CRPPA: variants seen among roughly 807,000 people sequenced by gnomAD.
CRPPA encodes the protein CDP-L-ribitol pyrophosphorylase A, also known as D-ribitol-5-phosphate cytidylyltransferase.
CRPPA carries 43 observed loss-of-function variants against 52.0 expected under a neutral mutation model. The ratio of observed to expected loss-of-function variants is 0.83; its 90% CI spans 0.65 to 1.07. The LOEUF (loss-of-function observed/expected upper bound fraction) is 1.07. CRPPA is among the 50% of genes least tolerant of loss of function. The pLI is 0.00. For synonymous variants in CRPPA, 250 were observed against 203.5 expected, an observed-to-expected ratio of 1.23 and a Z score of -1.94; for missense variants, 629 against 551.7, an observed-to-expected ratio of 1.14 and a Z score of -1.40.
At chr7:16,307,673 C>CAAAAAAAAA (rs55682769) in intron 4 of CRPPA, among the ~76,000 whole-genome samples, 1 of 44,366 alleles carries the variant, frequency 2.3e-5, no homozygotes, top group African/African-American at 8.9e-5. Flanking sequence ...GAAACTCTGT[C>CAAAAAAAAA]AAAAAAAAAA....
intron 6 of CRPPA, among the ~76,000 whole-genome samples, chr7:16,272,543 A>C (rs898732048): frequency 2.0e-5 from 3 of 152,182 alleles, no homozygotes; most frequent in Non-Finnish European, 2.9e-5. Flanking sequence ...ATTCCTTTCA[A>C]AGTAGGATGA....
intron 3 of CRPPA, among the ~76,000 whole-genome samples, chr7:16,349,579 G>C (rs1786095823): frequency 6.6e-6 from 1 of 151,884 alleles, no homozygotes; most frequent in Non-Finnish European, 1.5e-5. Context: ...AAAAGATAAA[G>C]TACAAAAACA....
At chr7:16,183,185 C>T (rs1781444835) in intron 9 of CRPPA, among the ~76,000 whole-genome samples, 2 of 152,080 alleles carry the variant, frequency 1.3e-5, no homozygotes, top group Non-Finnish European at 2.9e-5. Flanking sequence ...ATGGCAAAAA[C>T]AATGCCAGCA....
chr7:16,398,202 T>C (rs1413828894), intron 2 of CRPPA, among the ~76,000 whole-genome samples: 1 of 151,816 alleles, frequency 6.6e-6, no homozygotes, highest in Non-Finnish European at 1.5e-5. Context: ...TGACACGTGA[T>C]CAAGACATGA....
intron 9 of CRPPA, among the ~76,000 whole-genome samples, chr7:16,093,892 A>G (rs1160855571): frequency 6.6e-6 from 1 of 152,204 alleles, no homozygotes; most frequent in African/African-American, 2.4e-5. Context: ...ATTGAGACAT[A>G]ACACAGATGA....
chr7:16,236,642 T>G (rs1782957832), intron 8 of CRPPA, among the ~76,000 whole-genome samples: 1 of 152,134 alleles, frequency 6.6e-6, no homozygotes, highest in South Asian at 2.1e-4. Flanking sequence ...ATCTTAATCC[T>G]AAGGCAACAG....
rs532174494 is a variant in CRPPA at position 16,394,808 on chromosome 7, C to T, written c.534+11253G>A. 2.6e-5 allele frequency among the ~76,000 whole-genome samples: 4 copies of T among 152,204 alleles called. No individual in the cohort carries two copies. The South Asian group carries it at 8.3e-4, about 32-fold the overall frequency. The stretch of plus-strand genomic sequence containing the variant: ...GCAAAAGGTGACAAAAAGCTTCAGG[C>T]ATCTTAAACTAAAGGCCCATGAAAA... On this transcript the variant is annotated intron_variant, in intron 2 of 9. Coordinates refer to ENST00000407010, the MANE Select transcript of CRPPA (RefSeq NM_001101426.4).
chr7:16,240,920 G>A (rs1310775919), intron 8 of CRPPA, among the ~76,000 whole-genome samples: 1 of 152,086 alleles, frequency 6.6e-6, no homozygotes, highest in African/African-American at 2.4e-5. Flanking sequence ...CACACAGAAG[G>A]AATCACTATG....
At chr7:16,127,374 G>A (rs1053513469) in intron 9 of CRPPA, among the ~76,000 whole-genome samples, 4 of 151,814 alleles carry the variant, frequency 2.6e-5, no homozygotes, top group Non-Finnish European at 5.9e-5. Flanking sequence ...AAATAAATAA[G>A]AAGGTTAAAT....
intron 9 of CRPPA, among the ~76,000 whole-genome samples, chr7:16,107,874 G>C (rs929870271): frequency 3.3e-5 from 5 of 151,868 alleles, no homozygotes; most frequent in Non-Finnish European, 7.4e-5. Flanking sequence ...GTAGAGGAGA[G>C]GATAAGTACA....
intron 3 of CRPPA, among the ~76,000 whole-genome samples, chr7:16,329,797 T>C (rs555544998): frequency 6.6e-6 from 1 of 152,280 alleles, no homozygotes; most frequent in East Asian, 1.9e-4. Flanking sequence ...TAAAATGTAG[T>C]TCTCTTTTGG....
intron 3 of CRPPA, among the ~76,000 whole-genome samples, chr7:16,339,640 A>T (rs539508620): frequency 6.6e-6 from 1 of 152,352 alleles, no homozygotes; most frequent in South Asian, 2.1e-4. Context: ...GGAATAGGGC[A>T]AGGATTTCCC....
At chr7:16,128,926 A>C (rs1397718058) in intron 9 of CRPPA, among the ~76,000 whole-genome samples, 3 of 152,220 alleles carry the variant, frequency 2.0e-5, no homozygotes, top group Non-Finnish European at 4.4e-5. Context: ...TCATGATTAA[A>C]TGCATAATAT....
intron 5 of CRPPA, among the ~76,000 whole-genome samples, chr7:16,284,793 C>T (rs1475693178): frequency 6.6e-6 from 1 of 151,978 alleles, no homozygotes; most frequent in Non-Finnish European, 1.5e-5. Context: ...GAAAAGCATG[C>T]TGCACTGACA....
intron 8 of CRPPA, among the ~76,000 whole-genome samples, chr7:16,217,739 G>C (rs1782370704): frequency 1.4e-5 from 2 of 142,816 alleles, no homozygotes; most frequent in South Asian, 4.7e-4. Flanking sequence ...GAAGTTTAGA[G>C]AAAAAAGAAT....
chr7:16,391,382 A>G (rs1462972710), intron 2 of CRPPA, among the ~76,000 whole-genome samples: 1 of 152,100 alleles, frequency 6.6e-6, no homozygotes, highest in African/African-American at 2.4e-5. Context: ...TCCAAGTCCA[A>G]GCCACCCATC....
At chr7:16,151,166 T>G (rs752883392) in intron 9 of CRPPA, among the ~76,000 whole-genome samples, 1 of 152,174 alleles carries the variant, frequency 6.6e-6, no homozygotes, top group African/African-American at 2.4e-5. Flanking sequence ...ATGAGATGGG[T>G]ACTATGTACC....
chr7:16,254,741 G>C (rs566141223), intron 8 of CRPPA, among the ~76,000 whole-genome samples: 5 of 62,954 alleles, frequency 7.9e-5, no homozygotes, highest in South Asian at 3.6e-4. Context: ...GTATAAGAAA[G>C]AAAGACAGAA....
At chr7:16,091,849 G>A in intron 9 of CRPPA, 50 bp from the exon 10 acceptor site, 1 of 1,117,250 alleles carries the variant, frequency 9.0e-7, no homozygotes. Context: ...CATATGCCAT[G>A]TGTTAAGTTT....
Sources: gnomAD v4.1 joint callset for allele counts (sites outside exome capture counted in the v4.1 genomes callset) on GRCh38, gnomAD v4.1.1 for gene constraint, MANE v1.5 for transcripts, NCBI Gene and HGNC (gene_info 2026-07-23, HGNC 2026-07-21) for gene names.